The following GPC5 variants were observed in gnomAD, a reference collection of about 807,000 sequenced individuals.
GPC5 encodes glypican-5.
GPC5 carries 47 observed loss-of-function variants against 53.9 expected under a neutral mutation model. The ratio of observed to expected loss-of-function variants is 0.87; its 90% CI spans 0.69 to 1.11. The LOEUF (loss-of-function observed/expected upper bound fraction) is 1.11, where lower values mean the gene tolerates loss of function less well. Among genes scored for constraint, GPC5 ranks in the 50% most tolerant of loss-of-function variants. GPC5 has a pLI of 0.00. For missense variants in GPC5, 748 were observed against 713.1 expected (o/e 1.05, Z -0.56); for synonymous variants, 286 against 263.3 (o/e 1.09, Z -0.84).
intron 7 of GPC5, among the ~76,000 whole-genome samples, chr13:92,522,101 TA>T (rs1881077585): frequency 6.6e-6 from 1 of 152,158 alleles, no homozygotes; most frequent in African/African-American, 2.4e-5. Context: ...TGGCGATCGT[TA>T]AAAAGTCAGG....
At chr13:92,301,044 C>T (rs2043071775) in intron 7 of GPC5, among the ~76,000 whole-genome samples, 1 of 152,038 alleles carries the variant, frequency 6.6e-6, no homozygotes, top group Admixed American at 6.6e-5. Flanking sequence ...AACAGAGTAG[C>T]CTAGTAGCAC....
intron 7 of GPC5, among the ~76,000 whole-genome samples, chr13:92,700,076 G>C (rs1887679253): frequency 6.6e-6 from 1 of 152,026 alleles, no homozygotes; most frequent in African/African-American, 2.4e-5. Context: ...TATCTTTGTA[G>C]GTTTCTAAGA....
intron 7 of GPC5, among the ~76,000 whole-genome samples, chr13:92,548,783 T>G (rs1471648900): frequency 1.3e-5 from 2 of 152,162 alleles, no homozygotes; most frequent in Admixed American, 1.3e-4. Flanking sequence ...TGGTCTACTT[T>G]GTTAATATCA....
At chr13:92,417,010 TTAAG>T (rs1219628449) in intron 7 of GPC5, among the ~76,000 whole-genome samples, 3 of 152,222 alleles carry the variant, frequency 2.0e-5, no homozygotes, top group East Asian at 1.9e-4. Context: ...CATAACCCAT[TTAAG>T]TAAGCACACT....
intron 3 of GPC5, among the ~76,000 whole-genome samples, chr13:91,710,862 A>G (rs552326112): frequency 6.6e-6 from 1 of 152,074 alleles, no homozygotes; most frequent in African/African-American, 2.4e-5. Flanking sequence ...AGAAAAAAAA[A>G]GTTGCATGAT....
At chr13:91,690,127 T>G (rs2035725758) in intron 2 of GPC5, among the ~76,000 whole-genome samples, 1 of 152,324 alleles carries the variant, frequency 6.6e-6, no homozygotes, top group African/African-American at 2.4e-5. Flanking sequence ...ACCAATGTCA[T>G]ATATACAGTT....
intron 5 of GPC5, among the ~76,000 whole-genome samples, chr13:91,824,509 C>A (rs1394997370): frequency 1.3e-5 from 2 of 152,082 alleles, no homozygotes; most frequent in South Asian, 2.1e-4. Context: ...CCAGTACTGG[C>A]TGAGATAATT....
At chr13:91,459,093 A>G (rs1333007501) in intron 2 of GPC5, among the ~76,000 whole-genome samples, 2 of 152,116 alleles carry the variant, frequency 1.3e-5, no homozygotes, top group Non-Finnish European at 2.9e-5. Flanking sequence ...ATAAAAGACT[A>G]CACTGGGTAC....
At chr13:92,494,199 C>T (rs1170548532) in intron 7 of GPC5, among the ~76,000 whole-genome samples, 5 of 152,052 alleles carry the variant, frequency 3.3e-5, no homozygotes, top group Admixed American at 6.5e-5. Context: ...ACGCCATTCT[C>T]CTGCCTCAGC....
intron 5 of GPC5, among the ~76,000 whole-genome samples, chr13:91,843,780 A>G (rs1194618119): frequency 6.6e-6 from 1 of 151,478 alleles, no homozygotes; most frequent in Non-Finnish European, 1.5e-5. Flanking sequence ...AGCTTTCCAG[A>G]TGCAATGTTA....
intron 7 of GPC5, among the ~76,000 whole-genome samples, chr13:92,380,714 C>T (rs2043731797): frequency 7.3e-6 from 1 of 136,868 alleles, no homozygotes; most frequent in Non-Finnish European, 1.5e-5. Context: ...TGTTTGAGAA[C>T]ACATGGACAC....
At chr13:91,926,378 A>T (rs1264048316) in intron 6 of GPC5, among the ~76,000 whole-genome samples, 2 of 151,768 alleles carry the variant, frequency 1.3e-5, no homozygotes, top group Non-Finnish European at 2.9e-5. Flanking sequence ...AAAAAAAAAA[A>T]AAATCTATGC....
intron 7 of GPC5, among the ~76,000 whole-genome samples, chr13:92,408,327 C>A (rs1875881628): frequency 6.6e-6 from 1 of 152,100 alleles, no homozygotes; most frequent in African/African-American, 2.4e-5. Context: ...AAGTAACAGA[C>A]TTCCTTTCTT....
chr13:92,132,504 G>A (rs2041752547), intron 6 of GPC5, among the ~76,000 whole-genome samples: 2 of 152,194 alleles, frequency 1.3e-5, no homozygotes, highest in South Asian at 4.2e-4. Context: ...ATCTCTTGCA[G>A]GTTCTGGTGG....
chr13:91,597,749 G>A (rs1252713170), intron 2 of GPC5, among the ~76,000 whole-genome samples: 1 of 151,986 alleles, frequency 6.6e-6, no homozygotes, highest in African/African-American at 2.4e-5. Flanking sequence ...TTTTGTCCTG[G>A]GGTCCAAAAT....
rs115363834 is a variant in GPC5 at position 91,720,256 on chromosome 13, G to A, written c.1021-8276G>A. Among the ~76,000 whole-genome samples the A allele has an allele frequency of 5.7e-3, 866 of 152,218 alleles. 6 individuals carry two copies. Among genetic ancestry groups the A allele is most frequent in the African/African-American group, 0.02 (830 of 41,524 alleles). On this transcript the variant is annotated intron_variant, in intron 3 of 7. Transcript: ENST00000377067. ...ATCTCTTGCACCCCCACTGATCACT[G>A]TGCTTTCTTACCTGACTCTGTGCTG...
intron 5 of GPC5, among the ~76,000 whole-genome samples, chr13:91,804,486 T>G (rs561619524): frequency 6.6e-6 from 1 of 152,290 alleles, no homozygotes; most frequent in African/African-American, 2.4e-5. Context: ...TTGGAAAAAT[T>G]TCTTGACATC....
chr13:92,697,322 A>G lies in GPC5; in HGVS notation c.1562-168960A>G, dbSNP rs558566176. On this transcript the variant is annotated intron_variant, in intron 7 of 7. Transcript: ENST00000377067. ...CATTTTCACGATATTGATTCTTCCT[A>G]TCCATGAGCACGGAATGTTTTTCCA... 8.1e-4 allele frequency among the ~76,000 whole-genome samples: 123 copies of G among 152,274 alleles called. 5 individuals are homozygous for G. In the South Asian group the frequency reaches 0.024, roughly 30 times the overall value.
At chr13:91,831,949 G>T (rs2038665008) in intron 5 of GPC5, among the ~76,000 whole-genome samples, 1 of 151,982 alleles carries the variant, frequency 6.6e-6, no homozygotes, top group Non-Finnish European at 1.5e-5. Flanking sequence ...ATTTGGAGTG[G>T]AGAGTTCTGT....
Sources: allele counts gnomAD v4.1 joint callset (sites outside exome capture counted in the v4.1 genomes callset), GRCh38; gene constraint gnomAD v4.1.1; transcripts MANE v1.5; gene names NCBI Gene and HGNC (gene_info 2026-07-23, HGNC 2026-07-21).